The following C6orf120 variants were observed in gnomAD, a reference collection of about 807,000 sequenced individuals.
C6orf120 encodes chromosome 6 open reading frame 120.
For synonymous variants in C6orf120, 165 were observed against 123.1 expected, an observed-to-expected ratio of 1.34 and a Z score of -2.25; for missense variants, 311 against 264.2, an observed-to-expected ratio of 1.18 and a Z score of -1.23.
chr6:169,705,338 A>G (rs546046113), downstream of C6orf120: 52 of 1,557,466 alleles, frequency 3.3e-5, no homozygotes, highest in East Asian at 1.0e-3. Flanking sequence ...CAAAACCAGT[A>G]TTAGTGGTAT....
chr6:169,703,215 C>T (rs1788533614), exon 1 of C6orf120: 1 of 648,552 alleles, frequency 1.5e-6, no homozygotes, highest in South Asian at 2.0e-5. Flanking sequence ...AAGCAGCAAG[C>T]ACAGTATTTT....
At chr6:169,705,418 G>A, downstream of C6orf120, 1 of 854,188 alleles carries the variant, frequency 1.2e-6, no homozygotes, top group Non-Finnish European at 1.9e-6. Flanking sequence ...CCAGAGAATG[G>A]CTATAATGTC....
downstream of C6orf120, chr6:169,705,408 C>T: frequency 1.1e-6 from 1 of 910,564 alleles, no homozygotes; most frequent in Non-Finnish European, 1.7e-6. Context: ...TTTAGGACTT[C>T]CAGAGAATGG....
exon 1 of C6orf120, chr6:169,703,779 C>T: frequency 2.0e-6 from 1 of 510,394 alleles, no homozygotes; most frequent in Non-Finnish European, 3.5e-6. Context: ...TAAACATTTC[C>T]ACTGAATTTT....
downstream of C6orf120, chr6:169,705,351 C>T (rs1219623292): frequency 2.0e-6 from 3 of 1,495,392 alleles, no homozygotes; most frequent in Admixed American, 2.0e-5. Context: ...AGTGGTATCT[C>T]ACATAAGAAA....
chr6:169,704,589 G>T, exon 1 of C6orf120: 1 of 169,816 alleles, frequency 5.9e-6, no homozygotes, highest in African/African-American at 2.4e-5. Context: ...CTTGCTTAAT[G>T]ATTCCCAGGA....
Position 169,702,969 on chromosome 6 carries a change from G to C in C6orf120, c.510G>C (p.Glu170Asp), listed in dbSNP as rs566248910. 5 of 1,603,890 alleles carry C rather than the reference G, an allele frequency of 3.1e-6. No homozygotes were observed. The South Asian group carries it at 5.6e-5, about 18-fold the overall frequency. The stretch of plus-strand genomic sequence containing the variant: ...GTGCCCCGGAAGACGCCTCGCAAGA[G>C]GAGGAATCTGTTCTCTGGACGATAT... The change falls in exon 1 of 1, where the codon GAG becomes GAC. Residue 170 changes from glutamate (E) to aspartate (D), a missense_variant. Coordinates refer to ENST00000332290, the Ensembl canonical transcript of C6orf120.
exon 1 of C6orf120, chr6:169,704,668 T>C (rs1788710348): frequency 5.9e-6 from 1 of 169,498 alleles, no homozygotes; most frequent in Non-Finnish European, 1.4e-5. Context: ...AGTTCTAAAA[T>C]TACACAATTA....
chr6:169,702,216 A>AGCGGCC (rs1788307109), exon 1 of C6orf120: 2 of 684,432 alleles, frequency 2.9e-6, no homozygotes, highest in Non-Finnish European at 5.3e-6. Flanking sequence ...AGGGTGCCAC[A>AGCGGCC]GCGGCCCTGC....
At chr6:169,705,867 G>T (rs1036890093), downstream of C6orf120, 2 of 631,598 alleles carry the variant, frequency 3.2e-6, no homozygotes, top group Non-Finnish European at 5.8e-6. Flanking sequence ...CTTGACAGGA[G>T]TCTGCCTACA....
chr6:169,702,872 C>T, exon 1 of C6orf120: 3 of 1,611,916 alleles, frequency 1.9e-6, no homozygotes, highest in South Asian at 1.1e-5. Flanking sequence ...TACGACGGCA[C>T]GGTCGAGCAG....
rs576580290 is a variant in C6orf120 at position 169,702,204 on chromosome 6, C to A, written c.-256C>A. ...CCCCTGCGGGGAGTGGTGGTGAGTCCGAGGGTGCCACAGCGGCCCTGCCCC... is the reference window on the plus strand; with the variant it reads ...CCCCTGCGGGGAGTGGTGGTGAGTCAGAGGGTGCCACAGCGGCCCTGCCCC... On this transcript the variant is annotated 5_prime_UTR_variant, in exon 1 of 1. Transcript: ENST00000332290. The A allele has an allele frequency of 8.8e-6, 6 of 678,976 alleles. No homozygotes were observed. The African/African-American group carries it at 1.1e-4, about 12-fold the overall frequency. The allele number at this position is 678,976 out of a possible 1,614,324, so 42.1% of individuals were successfully genotyped here.
chr6:169,702,185 CG>C, upstream of C6orf120: 1 of 663,996 alleles, frequency 1.5e-6, no homozygotes, highest in Non-Finnish European at 2.8e-6. Flanking sequence ...CGGCCCCCTG[CG>C]GGGAGTGGTG....
At chr6:169,705,805 C>T, downstream of C6orf120, 1 of 778,914 alleles carries the variant, frequency 1.3e-6, no homozygotes, top group Non-Finnish European at 2.3e-6. Flanking sequence ...ACTTTATTGC[C>T]CTATTTTTAC....
chr6:169,703,309 A>G (rs1486033448), exon 1 of C6orf120: 2 of 495,642 alleles, frequency 4.0e-6, no homozygotes, highest in East Asian at 7.1e-5. Flanking sequence ...AAATGATTGC[A>G]GTAACAGGTT....
At chr6:169,703,799 C>G in exon 1 of C6orf120, 2 of 541,850 alleles carry the variant, frequency 3.7e-6, no homozygotes, top group African/African-American at 2.0e-5. Context: ...TTGGAGTGAG[C>G]CAAGGTTACT....
chr6:169,705,522 C>T, downstream of C6orf120: 2 of 812,404 alleles, frequency 2.5e-6, no homozygotes, highest in Non-Finnish European at 4.3e-6. Flanking sequence ...AATTTGGTGA[C>T]TCTTTGGTTG....
exon 1 of C6orf120, chr6:169,702,687 G>C (rs373681738): frequency 6.2e-7 from 1 of 1,613,472 alleles, no homozygotes; most frequent in Non-Finnish European, 8.5e-7. Context: ...AGGGAGATGC[G>C]GATCTGTACG....
exon 1 of C6orf120, chr6:169,702,221 C>T (rs1006393479): frequency 7.4e-6 from 5 of 672,708 alleles, no homozygotes; most frequent in African/African-American, 5.5e-5. Context: ...GCCACAGCGG[C>T]CCTGCCCCTG....
Sources: gnomAD v4.1 joint callset for allele counts on GRCh38, gnomAD v4.1.1 for gene constraint, MANE v1.5 for transcripts, NCBI Gene and HGNC (gene_info 2026-07-23, HGNC 2026-07-21) for gene names.